Variants in SIRT2 observed in about 807,000 individuals in gnomAD.
SIRT2 encodes the protein sirtuin 2.
In SIRT2, 40 loss-of-function variants were observed where a neutral mutation model predicts 57.4. That is an observed-to-expected ratio of 0.70 (90% CI 0.54 to 0.91). The LOEUF (loss-of-function observed/expected upper bound fraction) is 0.91, where lower values mean the gene tolerates loss of function less well. Among genes scored for constraint, SIRT2 ranks in the 40% least tolerant of loss-of-function variants. SIRT2 has a pLI of 0.00. For synonymous variants in SIRT2, 161 were observed against 195.7 expected, an observed-to-expected ratio of 0.82 and a Z score of 1.48; for missense variants, 439 against 510.4, an observed-to-expected ratio of 0.86 and a Z score of 1.35.
At chr19:38,893,776 C>A (rs755649127) in intron 3 of SIRT2, 43 bp downstream of exon 3, 7 of 1,608,520 alleles carry the variant, frequency 4.4e-6, no homozygotes, top group African/African-American at 2.7e-5. Context: ...AATCCCCCCG[C>A]CCCCCAGAAC....
chr19:38,879,700 C>T lies in SIRT2; in HGVS notation c.879G>A (p.Ser293=), dbSNP rs1386038895. 1.2e-5 allele frequency: 19 copies of T among 1,565,808 alleles called. No homozygotes were observed. The highest frequency in any genetic ancestry group is 5.7e-5 in the Admixed American group (3 of 52,906). ...LLINKEKAGQ[S]DPFLGMIMGL... is the part of the protein sequence containing the mutation. ...CCATAATCATCCCCAGGAAAGGGTCCGACTGTCAGGGAGGGGGTGGGTCAG... is the reference window on the plus strand; with the variant it reads ...CCATAATCATCCCCAGGAAAGGGTCTGACTGTCAGGGAGGGGGTGGGTCAG... Residue 293 remains serine (S), a splice_region_variant and synonymous_variant, in exon 14 of 16, where the codon TCG becomes TCA. Coordinates refer to ENST00000249396, the MANE Select transcript of SIRT2 (RefSeq NM_012237.4).
chr19:38,889,832 C>T, intron 6 of SIRT2, 23 bp downstream of exon 6: 1 of 1,613,348 alleles, frequency 6.2e-7, no homozygotes, highest in Non-Finnish European at 8.5e-7. Flanking sequence ...CTCACAGACG[C>T]CCCTTCCTGG....
At chr19:38,897,054 C>T (rs1459040021) in intron 2 of SIRT2, among the ~76,000 whole-genome samples, 1 of 152,182 alleles carries the variant, frequency 6.6e-6, no homozygotes, top group Non-Finnish European at 1.5e-5. Flanking sequence ...CAAACCCTTC[C>T]CTGCTCCTGT....
intron 1 of SIRT2, 138 bp from the exon 2 acceptor site, chr19:38,898,563 A>T: frequency 2.4e-6 from 1 of 422,978 alleles, no homozygotes; most frequent in Non-Finnish European, 4.2e-6. Context: ...AAAATGGAGC[A>T]GAGGGAGGGA....
chr19:38,879,818 TG>T, intron 13 of SIRT2, 116 bp from the exon 14 acceptor site: 2 of 740,938 alleles, frequency 2.7e-6, no homozygotes, highest in Non-Finnish European at 4.4e-6. Context: ...GTTTTTTTTT[TG>T]TTGTTGTTTT....
chr19:38,894,999 C>A, intron 2 of SIRT2: 2 of 450,942 alleles, frequency 4.4e-6, no homozygotes, highest in South Asian at 1.6e-5. Flanking sequence ...CAAGCCCATC[C>A]TCCTCCCAGG....
At chr19:38,887,163 C>CA (rs1366175370) in intron 8 of SIRT2, among the ~76,000 whole-genome samples, 1 of 152,136 alleles carries the variant, frequency 6.6e-6, no homozygotes, top group Non-Finnish European at 1.5e-5. Flanking sequence ...CGAACACATA[C>CA]ACCGTTTCTG....
At chr19:38,886,836 G>T (rs181662950) in intron 8 of SIRT2, among the ~76,000 whole-genome samples, 92 of 152,146 alleles carry the variant, frequency 6.0e-4, no homozygotes, top group Admixed American at 1.9e-3. Context: ...TGGCCAGGCT[G>T]GTCTTAAACT....
intron 8 of SIRT2, among the ~76,000 whole-genome samples, chr19:38,885,099 T>G (rs978886409): frequency 5.3e-5 from 8 of 152,006 alleles, no homozygotes; most frequent in Non-Finnish European, 1.2e-4. Context: ...TCTTTTCTTT[T>G]TTTGGAGGCA....
At position 38,879,193 on chromosome 19, in the gene SIRT2, C is replaced by T. The variant is rs201335739; in HGVS notation, c.1132G>A (p.Asp378Asn). The change falls in exon 16 of 16, where the codon GAC becomes AAC. Residue 378 changes from aspartate (D) to asparagine (N), a missense_variant. Asp to Asn is a conservative substitution (Grantham distance 23). Transcript: ENST00000249396. ...TCCCTCTCTGTTGTCCTGGCCTCGT[C>T]CTTGGCAGGTGGCGGGGACTTCTTG... ...SPKKSPPPAK[D>N]EARTTEREKP... 6.3e-7 allele frequency: 1 copy of T among 1,587,652 alleles called. No individual in the cohort carries two copies. Among genetic ancestry groups the T allele is most frequent in the Non-Finnish European group, 8.5e-7 (1 of 1,173,084 alleles).
At chr19:38,896,089 A>G (rs1394483643) in intron 2 of SIRT2, among the ~76,000 whole-genome samples, 1 of 152,070 alleles carries the variant, frequency 6.6e-6, no homozygotes, top group Non-Finnish European at 1.5e-5. Context: ...AGAGAGAGAG[A>G]AAGAGAGAGT....
chr19:38,882,535 C>T (rs563082108), intron 9 of SIRT2, among the ~76,000 whole-genome samples: 22 of 151,322 alleles, frequency 1.5e-4, no homozygotes, highest in Non-Finnish European at 2.1e-4. Flanking sequence ...CTTGGGAGGC[C>T]GAGGCAGGGA....
At chr19:38,884,456 G>A (rs560367949) in intron 8 of SIRT2, among the ~76,000 whole-genome samples, 1 of 150,516 alleles carries the variant, frequency 6.6e-6, no homozygotes. Flanking sequence ...TTGTTTGTTT[G>A]TTTGTTTTTT....
chr19:38,881,437 T>G lies in SIRT2; in HGVS notation c.686A>C (p.Lys229Thr). 1 of 1,614,026 alleles carries G rather than the reference T, an allele frequency of 6.2e-7. No individual in the cohort carries two copies. The highest frequency in any genetic ancestry group is 2.2e-5 in the East Asian group (1 of 44,866). ...GTCCCTGGCCAGAGGCTCACCAGGCTTCACCAGGCTCTGACAGTCTTCACA... is the reference window on the plus strand; with the variant it reads ...GTCCCTGGCCAGAGGCTCACCAGGCGTCACCAGGCTCTGACAGTCTTCACA... ...PKCEDCQSLV[K>T]PDIVFFGESL... is the part of the protein sequence containing the mutation. The change falls in exon 10 of 16, where the codon AAG (lysine) becomes ACG (threonine). Residue 229 changes from lysine to threonine, a missense_variant. By Grantham distance (78) the Lys-to-Thr change is moderately conservative. Coordinates refer to ENST00000249396, the MANE Select transcript of SIRT2 (RefSeq NM_012237.4).
At chr19:38,892,179 T>C (rs949125256) in intron 4 of SIRT2, among the ~76,000 whole-genome samples, 14 of 152,090 alleles carry the variant, frequency 9.2e-5, no homozygotes, top group Non-Finnish European at 1.5e-5. Flanking sequence ...GTGGATTGCC[T>C]GAGCTCAGGT....
intron 14 of SIRT2, 50 bp downstream of exon 14, chr19:38,879,582 C>T (rs201910885): frequency 9.2e-5 from 143 of 1,554,626 alleles, no homozygotes; most frequent in Non-Finnish European, 1.2e-4. Flanking sequence ...CCCCCGCTCC[C>T]ACCTCACCCT....
At chr19:38,894,233 AC>A (rs936053506) in intron 2 of SIRT2, 1 of 265,644 alleles carries the variant, frequency 3.8e-6, no homozygotes, top group African/African-American at 2.3e-5. Flanking sequence ...AGTAGCTGGG[AC>A]CACAGGCACG....
Position 38,879,895 on chromosome 19 carries a change from G to C in SIRT2, c.877-193C>G. On this transcript the variant is annotated intron_variant, in intron 13 of 15. Coordinates refer to ENST00000249396, the MANE Select transcript of SIRT2 (RefSeq NM_012237.4). ...GGCTGGAGTGCAATGATGTGATCTC[G>C]GCTCACTGCAACCTCCACCTCCTGG... The C allele has an allele frequency of 2.2e-5, 13 of 578,654 alleles. No homozygotes were observed. The South Asian group carries it at 2.3e-4, about 10-fold the overall frequency. 35.8% of individuals were successfully genotyped at this position (578,654 alleles called of 1,614,324 possible).
At chr19:38,888,452 GT>G (rs1328742288) in intron 8 of SIRT2, among the ~76,000 whole-genome samples, 1 of 152,222 alleles carries the variant, frequency 6.6e-6, no homozygotes, top group Non-Finnish European at 1.5e-5. Flanking sequence ...GATTACAGGT[GT>G]GAGCCACTGT....
Sources: gnomAD v4.1 joint callset for allele counts (sites outside exome capture counted in the v4.1 genomes callset) on GRCh38, gnomAD v4.1.1 for gene constraint, MANE v1.5 for transcripts, NCBI Gene and HGNC (gene_info 2026-07-23, HGNC 2026-07-21) for gene names.